Variants in CAVIN3 observed in about 807,000 individuals in gnomAD.
CAVIN3 encodes caveolae associated protein 3, also known as caveolae-associated protein 3.
CAVIN3 carries 11 observed loss-of-function variants against 8.2 expected under a neutral mutation model. That is an observed-to-expected ratio of 1.35 (90% CI 0.85 to 2.23). The LOEUF (loss-of-function observed/expected upper bound fraction) is 2.23. CAVIN3 is among the 30% of genes most tolerant of loss of function. The pLI, the probability that CAVIN3 is intolerant of heterozygous loss-of-function variation, is 0.00. For synonymous variants in CAVIN3, 191 were observed against 166.3 expected (o/e 1.15, Z -1.14); for missense variants, 401 against 359.5 (o/e 1.12, Z -0.93).
chr11:6,319,364 G>A lies in CAVIN3; in HGVS notation c.585C>T (p.Gly195=). The change falls in exon 2 of 2, where the codon GGC becomes GGT. Residue 195 remains glycine (G), a synonymous_variant. Transcript: ENST00000303927. ...KVQSLRRALS[G]RKGPAAPPPT... is the part of the protein sequence containing the mutation. ...GCGGTGGCGCTGCAGGGCCTTTCCG[G>A]CCCGAAAGGGCCCTTCGGAGGCTCT... 1 of 1,595,062 alleles carries A rather than the reference G, an allele frequency of 6.3e-7. No individual in the cohort carries two copies. Among genetic ancestry groups the A allele is most frequent in the Non-Finnish European group, 8.5e-7 (1 of 1,172,646 alleles).
Position 6,319,181 on chromosome 11 carries a change from T to C in CAVIN3, c.768A>G (p.Gln256=), listed in dbSNP as rs763261574. The C allele has an allele frequency of 1.3e-6, 2 of 1,531,986 alleles. No individual in the cohort carries two copies. The highest frequency in any genetic ancestry group is 1.8e-4 in the Middle Eastern group (1 of 5,642). The allele number at this position is 1,531,986 out of a possible 1,614,324, so 94.9% of individuals were successfully genotyped here. A position where few individuals can be genotyped will look rare whatever the true frequency, so the allele number is the denominator to read the frequency against. ...CCAGCCCTCAGGCTACACTCTCCAT[T>C]TGGAGCAGAGCTTCTTCGGCAGCCC... ...RPGAAEEALL[Q]MESVA The change falls in exon 2 of 2, where the codon CAA becomes CAG. Residue 256 remains glutamine, a synonymous_variant. Coordinates refer to ENST00000303927, the MANE Select transcript of CAVIN3 (RefSeq NM_145040.3).
intron 1 of CAVIN3, chr11:6,319,867 A>G: frequency 1.5e-6 from 1 of 669,914 alleles, no homozygotes; most frequent in Admixed American, 2.6e-5. Context: ...GGCCTGAGCT[A>G]GAGCTGGGCG....
chr11:6,319,995 A>C, intron 1 of CAVIN3, 98 bp downstream of exon 1: 1 of 1,294,616 alleles, frequency 7.7e-7, no homozygotes, highest in Non-Finnish European at 1.0e-6. Context: ...AGGGGTCAGG[A>C]ATGTGGGTGT....
Position 6,320,487 on chromosome 11 carries a change from C to A in CAVIN3, c.-11G>T, listed in dbSNP as rs915825758. On this transcript the variant is annotated 5_prime_UTR_variant, in exon 1 of 2. Transcript: ENST00000303927. ...CGCACTCTCCCTCATGATCCCTGAC[C>A]GCTCTGCTCCGTCTGCCTGCAACTG... 4.7e-6 allele frequency: 7 copies of A among 1,483,226 alleles called. No homozygotes were observed. The highest frequency in any genetic ancestry group is 1.5e-5 in the African/African-American group (1 of 68,554). The allele number at this position is 1,483,226 out of a possible 1,614,324, so 91.9% of individuals were successfully genotyped here.
In CAVIN3 at chr11:6,319,333, G is replaced by A; in HGVS notation, c.616C>T (p.Pro206Ser). ...GGCCCAAGGCGAGGCGGCTTGACCG[G>A]GGTGGGCGGTGGCGCTGCAGGGCCT... ...RKGPAAPPPT[P>S]VKPPRLGPGR... Residue 206 changes from proline to serine, a missense_variant, in exon 2 of 2, where the codon CCG becomes TCG. By Grantham distance (74) the Pro-to-Ser change is moderately conservative. Coordinates refer to ENST00000303927, the MANE Select transcript of CAVIN3 (RefSeq NM_145040.3). The A allele has an allele frequency of 6.2e-7, 1 of 1,601,736 alleles. No individual in the cohort carries two copies. Among genetic ancestry groups the A allele is most frequent in the Non-Finnish European group, 8.5e-7 (1 of 1,174,972 alleles).
chr11:6,319,080 T>G lies in CAVIN3; in HGVS notation c.*83A>C, dbSNP rs1279295817. 21 of 1,413,618 alleles carry G rather than the reference T, an allele frequency of 1.5e-5. No homozygotes were observed. Among genetic ancestry groups the G allele is most frequent in the Non-Finnish European group, 2.0e-5 (21 of 1,056,006 alleles). The allele number at this position is 1,413,618 out of a possible 1,614,324, so 87.6% of individuals were successfully genotyped here. On this transcript the variant is annotated 3_prime_UTR_variant, in exon 2 of 2. Transcript: ENST00000303927. ...CCTTGGTGGATGTAGGATTCGCTCC[T>G]TATTAGGGCGTGAGTGCTACATTCT...
In CAVIN3 at chr11:6,319,115, T is replaced by C; in HGVS notation, c.*48A>G. On this transcript the variant is annotated 3_prime_UTR_variant, in exon 2 of 2. Coordinates refer to ENST00000303927, the MANE Select transcript of CAVIN3 (RefSeq NM_145040.3). ...GTGAGTGCTACATTCTGAAAGGATT[T>C]ATTTTGGGACAAGGCACAAGCACAG... 6.7e-7 allele frequency: 1 copy of C among 1,500,234 alleles called. No individual in the cohort carries two copies. Among genetic ancestry groups the C allele is most frequent in the Admixed American group, 2.4e-5 (1 of 41,928 alleles). The allele number at this position is 1,500,234 out of a possible 1,614,324, so 92.9% of individuals were successfully genotyped here.
In CAVIN3 at chr11:6,319,675, G is replaced by A. The variant is rs954129971; in HGVS notation, c.385-111C>T. On this transcript the variant is annotated intron_variant, in intron 1 of 1. Coordinates refer to ENST00000303927, the MANE Select transcript of CAVIN3 (RefSeq NM_145040.3). ...CTTTTACCTCCGCAGCCAGAGTCTG[G>A]GGGGAAAGGCAGGCGTGGGAAGGTA... is the stretch of plus-strand genomic sequence containing the variant. The A allele has an allele frequency of 9.6e-6, 13 of 1,348,092 alleles. No individual in the cohort carries two copies. The Admixed American group carries it at 2.2e-4, about 22-fold the overall frequency. The allele number at this position is 1,348,092 out of a possible 1,614,324, so 83.5% of individuals were successfully genotyped here.
Position 6,320,137 on chromosome 11 carries a change from C to A in CAVIN3, c.340G>T (p.Gly114Trp). The A allele has an allele frequency of 6.3e-7, 1 of 1,588,628 alleles. No homozygotes were observed. The highest frequency in any genetic ancestry group is 8.5e-7 in the Non-Finnish European group (1 of 1,175,766). Reference sequence around the variant, plus strand: ...AGCTTCCCGCGCGCCACCAGCAGCCCGTGGTTGGCCTCCAGCCGCTGCACC... The same window carrying A: ...AGCTTCCCGCGCGCCACCAGCAGCCAGTGGTTGGCCTCCAGCCGCTGCACC... Reference protein sequence around the residue: ...AQVQRLEANHGLLVARGKLHV... With the variant: ...AQVQRLEANHWLLVARGKLHV... Residue 114 changes from glycine (G) to tryptophan (W), a missense_variant, in exon 1 of 2, where the codon GGG (glycine) becomes TGG (tryptophan). Coordinates refer to ENST00000303927, the MANE Select transcript of CAVIN3 (RefSeq NM_145040.3).
rs779785084 is a variant in CAVIN3 at position 6,320,439 on chromosome 11, T to G, written c.38A>C (p.Glu13Ala). ...ESALERGPVP[E>A]APAGGPVHAV... is the part of the protein sequence containing the mutation. ...GTGCACGGGACCCCCCGCCGGCGCC[T>G]CGGGCACAGGCCCCCGCTCCAACGC... is the stretch of plus-strand genomic sequence containing the variant. The change falls in exon 1 of 2, where the codon GAG becomes GCG. Residue 13 changes from glutamate (E) to alanine (A), a missense_variant. Transcript: ENST00000303927. The G allele has an allele frequency of 6.5e-7, 1 of 1,547,838 alleles. No homozygotes were observed. The highest frequency in any genetic ancestry group is 1.9e-5 in the Admixed American group (1 of 53,172).
chr11:6,319,649 C>T (rs1293883501), intron 1 of CAVIN3, 85 bp from the exon 2 acceptor site: 2 of 1,461,686 alleles, frequency 1.4e-6, no homozygotes, highest in African/African-American at 1.4e-5. Flanking sequence ...ACAAGGGAAA[C>T]CTTTTACCTC....
rs769981033 is a variant in CAVIN3 at position 6,319,177 on chromosome 11, C to T, written c.772G>A (p.Glu258Lys). The part of the protein sequence containing the change: ...GAAEEALLQM[E>K]SVA ...AACACCAGCCCTCAGGCTACACTCTCCATTTGGAGCAGAGCTTCTTCGGCA... is the reference window on the plus strand; with the variant it reads ...AACACCAGCCCTCAGGCTACACTCTTCATTTGGAGCAGAGCTTCTTCGGCA... The change falls in exon 2 of 2, where the codon GAG becomes AAG. Residue 258 changes from glutamate to lysine, a missense_variant. Physicochemically the swap from Glu to Lys is moderately conservative, Grantham distance 56. Coordinates refer to ENST00000303927, the MANE Select transcript of CAVIN3 (RefSeq NM_145040.3). 20 of 1,530,030 alleles carry T rather than the reference C, an allele frequency of 1.3e-5. No homozygotes were observed. The highest frequency in any genetic ancestry group is 1.1e-5 in the Non-Finnish European group (13 of 1,142,130). 94.8% of individuals were successfully genotyped at this position (1,530,030 alleles called of 1,614,324 possible). A position where few individuals can be genotyped will look rare whatever the true frequency, so the allele number is the denominator to read the frequency against.
At position 6,320,383 on chromosome 11, in the gene CAVIN3, G is replaced by C. The variant is rs1165958983; in HGVS notation, c.94C>G (p.Leu32Val). The C allele has an allele frequency of 1.3e-6, 2 of 1,586,034 alleles. No individual in the cohort carries two copies. Among genetic ancestry groups the C allele is most frequent in the Middle Eastern group, 1.8e-4 (1 of 5,592 alleles). ...AVTVVTLLEK[L>V]ASMLETLRER... ...CGCAGAGTCTCCAGCATGGAGGCCA[G>C]CTTCTCCAGCAGGGTCACCACCGTC... Residue 32 changes from leucine (L) to valine (V), a missense_variant, in exon 1 of 2, where the codon CTG becomes GTG. By Grantham distance (32) the Leu-to-Val change is conservative. Coordinates refer to ENST00000303927, the MANE Select transcript of CAVIN3 (RefSeq NM_145040.3).
Position 6,320,324 on chromosome 11 carries a change from T to C in CAVIN3, c.153A>G (p.Gly51=). Residue 51 remains glycine, a synonymous_variant, in exon 1 of 2, where the codon GGA becomes GGG. Transcript: ENST00000303927. ...ERQGGLARRQ[G]GLAGSVRRIQ... ...TGCGGCGCACGGACCCTGCCAGGCC[T>C]CCCTGCCTTCGAGCCAGGCCTCCCT... The C allele has an allele frequency of 1.9e-6, 3 of 1,562,844 alleles. No individual in the cohort carries two copies. The highest frequency in any genetic ancestry group is 2.6e-6 in the Non-Finnish European group (3 of 1,163,120).
chr11:6,320,316 G>C lies in CAVIN3; in HGVS notation c.161C>G (p.Ala54Gly). The C allele has an allele frequency of 1.3e-6, 2 of 1,562,672 alleles. No homozygotes were observed. The highest frequency in any genetic ancestry group is 8.6e-7 in the Non-Finnish European group (1 of 1,162,930). Residue 54 changes from alanine to glycine, a missense_variant, in exon 1 of 2, where the codon GCA becomes GGA. Ala to Gly is a moderately conservative substitution (Grantham distance 60). Coordinates refer to ENST00000303927, the MANE Select transcript of CAVIN3 (RefSeq NM_145040.3). ...GGLARRQGGL[A>G]GSVRRIQSGL... ...GCTCTGGATGCGGCGCACGGACCCT[G>C]CCAGGCCTCCCTGCCTTCGAGCCAG...
At position 6,319,580 on chromosome 11, in the gene CAVIN3, A is replaced by G; in HGVS notation, c.385-16T>C. ...CACCCTCCTCCTGCATGTGACGGACACAGCACTGATCCTGGCAGCTCCTTA... is the reference window on the plus strand; with the variant it reads ...CACCCTCCTCCTGCATGTGACGGACGCAGCACTGATCCTGGCAGCTCCTTA... On this transcript the variant is annotated splice_polypyrimidine_tract_variant and intron_variant, in intron 1 of 1. Transcript: ENST00000303927. 1.9e-6 allele frequency: 3 copies of G among 1,558,364 alleles called. No individual in the cohort carries two copies. The highest frequency in any genetic ancestry group is 2.6e-6 in the Non-Finnish European group (3 of 1,158,226).
At position 6,318,967 on chromosome 11, in the gene CAVIN3, T is replaced by C. The variant is rs1280794981; in HGVS notation, c.*196A>G. 6 of 485,954 alleles carry C rather than the reference T, an allele frequency of 1.2e-5. No homozygotes were observed. Among genetic ancestry groups the C allele is most frequent in the Non-Finnish European group, 2.2e-5 (6 of 277,868 alleles). The allele number at this position is 485,954 out of a possible 1,614,324, so 30.1% of individuals were successfully genotyped here. ...CTGGTTCGGGTGAAATTACTTTTAT[T>C]GATGGTGAGCGCAAGCAGGTGTGAG... is the stretch of plus-strand genomic sequence containing the variant. On this transcript the variant is annotated 3_prime_UTR_variant, in exon 2 of 2. Coordinates refer to ENST00000303927, the MANE Select transcript of CAVIN3 (RefSeq NM_145040.3).
In CAVIN3 at chr11:6,320,188, C is replaced by T; in HGVS notation, c.289G>A (p.Glu97Lys). 6.4e-7 allele frequency: 1 copy of T among 1,570,770 alleles called. No individual in the cohort carries two copies. Among genetic ancestry groups the T allele is most frequent in the Non-Finnish European group, 8.6e-7 (1 of 1,166,098 alleles). Reference sequence around the variant, plus strand: ...TGGGCTGCGCGGCGCACCGCGCGCTCTTGGGCGGCGTTGGCGTGCGAGCTC... The same window carrying T: ...TGGGCTGCGCGGCGCACCGCGCGCTTTTGGGCGGCGTTGGCGTGCGAGCTC... The part of the protein sequence containing the change: ...RVSSHANAAQ[E>K]RAVRRAAQVQ... Residue 97 changes from glutamate (E) to lysine (K), a missense_variant, in exon 1 of 2, where the codon GAG becomes AAG. Glu to Lys is a moderately conservative substitution (Grantham distance 56, BLOSUM62 1). Coordinates refer to ENST00000303927, the MANE Select transcript of CAVIN3 (RefSeq NM_145040.3).
chr11:6,319,982 G>A (rs1034240751), intron 1 of CAVIN3, 111 bp downstream of exon 1: 3 of 1,177,180 alleles, frequency 2.5e-6, no homozygotes, highest in African/African-American at 1.5e-5. Flanking sequence ...AACAGACGGC[G>A]GGAGGGGTCA....
Sources: gnomAD v4.1 joint callset for allele counts on GRCh38, gnomAD v4.1.1 for gene constraint, MANE v1.5 for transcripts, NCBI Gene and HGNC (gene_info 2026-07-23, HGNC 2026-07-21) for gene names.